The following PTPRC variants were observed in gnomAD, a reference collection of about 807,000 sequenced individuals.
PTPRC encodes protein tyrosine phosphatase receptor type C.
In PTPRC, 44 loss-of-function variants were observed where a neutral mutation model predicts 155.9. That is an observed-to-expected ratio of 0.28 (90% CI 0.22 to 0.36). The LOEUF (loss-of-function observed/expected upper bound fraction) is 0.36, where lower values mean the gene tolerates loss of function less well. Among genes scored for constraint, PTPRC ranks in the 10% least tolerant of loss-of-function variants. The pLI is 1.00. For synonymous variants in PTPRC, 525 were observed against 533.1 expected, an observed-to-expected ratio of 0.98 and a Z score of 0.21; for missense variants, 1,401 against 1,564.6, an observed-to-expected ratio of 0.90 and a Z score of 1.76.
chr1:198,734,493 G>C, intron 22 of PTPRC, 68 bp downstream of exon 22: 2 of 1,322,040 alleles, frequency 1.5e-6, no homozygotes, highest in Non-Finnish European at 2.2e-6. Flanking sequence ...ATGGCATTTT[G>C]AAAAGCCACA....
At position 198,742,373 on chromosome 1, in the gene PTPRC, T is replaced by A. The variant is rs938718659; in HGVS notation, c.2697+6T>A. The A allele has an allele frequency of 4.3e-6, 7 of 1,611,672 alleles. No individual in the cohort carries two copies. The highest frequency in any genetic ancestry group is 5.9e-6 in the Non-Finnish European group (7 of 1,178,388). ...GCCTGATGGTTCAAGTAGAGGTATGTTCTAACCTTTAGTGATTATTCTCAC... is the reference window on the plus strand; with the variant it reads ...GCCTGATGGTTCAAGTAGAGGTATGATCTAACCTTTAGTGATTATTCTCAC... On this transcript the variant is annotated splice_donor_region_variant and intron_variant, in intron 25 of 32. Transcript: ENST00000442510.
intron 2 of PTPRC, among the ~76,000 whole-genome samples, chr1:198,649,763 G>A (rs375017854): frequency 6.6e-6 from 1 of 151,910 alleles, no homozygotes; most frequent in African/African-American, 2.4e-5. Flanking sequence ...ACTGTTTTAA[G>A]TGTTGACACA....
At chr1:198,727,922 A>C (rs1326162233) in intron 15 of PTPRC, among the ~76,000 whole-genome samples, 1 of 152,170 alleles carries the variant, frequency 6.6e-6, no homozygotes, top group Non-Finnish European at 1.5e-5. Flanking sequence ...AGTCTTTCTC[A>C]TCCCCTTAAG....
At chr1:198,667,797 A>C (rs1369913350) in intron 2 of PTPRC, among the ~76,000 whole-genome samples, 2 of 152,252 alleles carry the variant, frequency 1.3e-5, no homozygotes, top group Non-Finnish European at 2.9e-5. Flanking sequence ...GGAGTGTTTA[A>C]GGAAATTTCC....
intron 2 of PTPRC, among the ~76,000 whole-genome samples, chr1:198,646,161 G>A (rs1045332053): frequency 4.0e-5 from 6 of 151,690 alleles, no homozygotes; most frequent in African/African-American, 7.3e-5. Context: ...ATTCCCTGAT[G>A]ATTATATATA....
intron 2 of PTPRC, among the ~76,000 whole-genome samples, chr1:198,659,329 T>A (rs1317532666): frequency 6.6e-6 from 1 of 152,154 alleles, no homozygotes; most frequent in Non-Finnish European, 1.5e-5. Flanking sequence ...ATTTCACAAA[T>A]GTTAGTATTG....
intron 2 of PTPRC, among the ~76,000 whole-genome samples, chr1:198,691,080 T>G (rs1282066021): frequency 2.0e-5 from 3 of 152,108 alleles, no homozygotes; most frequent in African/African-American, 7.2e-5. Flanking sequence ...TTTGATTACC[T>G]ATGCTGGCTC....
intron 2 of PTPRC, among the ~76,000 whole-genome samples, chr1:198,648,919 T>A (rs1021214189): frequency 6.6e-6 from 1 of 151,824 alleles, no homozygotes; most frequent in African/African-American, 2.4e-5. Context: ...TATCTAGATT[T>A]TTTTTTGTTT....
chr1:198,678,660 C>G (rs977294786), intron 2 of PTPRC, among the ~76,000 whole-genome samples: 2 of 152,156 alleles, frequency 1.3e-5, no homozygotes, highest in African/African-American at 4.8e-5. Flanking sequence ...CTCTGGTTGT[C>G]TAGGTGAGCG....
chr1:198,755,092 T>C (rs139136036), intron 32 of PTPRC, among the ~76,000 whole-genome samples: 1,963 of 152,036 alleles, frequency 0.013, 24 homozygotes, highest in Non-Finnish European at 0.016. Context: ...TGTCTTCTTC[T>C]GTATGTTATT....
intron 23 of PTPRC, among the ~76,000 whole-genome samples, chr1:198,741,515 C>G (rs576466264): frequency 1.3e-5 from 2 of 151,888 alleles, no homozygotes; most frequent in African/African-American, 4.8e-5. Context: ...ATGCACCCCA[C>G]TTTTATGGTG....
At position 198,744,081 on chromosome 1, in the gene PTPRC, T is replaced by C; in HGVS notation, c.2725T>C (p.Leu909=). ...CCAGTACATCTTGATCCATCAGGCTTTGGTGGAATACAATCAGTTTGGAGA... is the reference window on the plus strand; with the variant it reads ...CCAGTACATCTTGATCCATCAGGCTCTGGTGGAATACAATCAGTTTGGAGA... ...EAQYILIHQA[L]VEYNQFGETE... Residue 909 remains leucine, a synonymous_variant, in exon 26 of 33, where the codon TTG becomes CTG. Coordinates refer to ENST00000442510, the MANE Select transcript of PTPRC (RefSeq NM_002838.5). The C allele has an allele frequency of 6.2e-7, 1 of 1,605,156 alleles. No individual in the cohort carries two copies.
At chr1:198,690,048 A>C (rs555467250) in intron 2 of PTPRC, among the ~76,000 whole-genome samples, 14 of 152,280 alleles carry the variant, frequency 9.2e-5, no homozygotes, top group Non-Finnish European at 1.5e-4. Flanking sequence ...CCAAGGAATG[A>C]GGTGCTTGCA....
At chr1:198,646,589 A>G (rs1055084699) in intron 2 of PTPRC, among the ~76,000 whole-genome samples, 7 of 151,822 alleles carry the variant, frequency 4.6e-5, no homozygotes, top group African/African-American at 1.7e-4. Context: ...TTGTGTTGAA[A>G]TTTCTATCAG....
intron 2 of PTPRC, among the ~76,000 whole-genome samples, chr1:198,666,804 T>G (rs1455228957): frequency 6.6e-6 from 1 of 152,222 alleles, no homozygotes; most frequent in Non-Finnish European, 1.5e-5. Context: ...TAATCTTGCT[T>G]GAATGAGGAT....
At chr1:198,703,600 G>A (rs1666568995) in intron 7 of PTPRC, 1 of 681,490 alleles carries the variant, frequency 1.5e-6, no homozygotes, top group South Asian at 1.9e-5. Context: ...GAAAGCATGT[G>A]TGAGAAACAA....
chr1:198,693,563 C>T (rs971646345), intron 3 of PTPRC, among the ~76,000 whole-genome samples: 1 of 152,128 alleles, frequency 6.6e-6, no homozygotes, highest in Non-Finnish European at 1.5e-5. Context: ...TCTGAATTGA[C>T]TCTATTATGA....
At chr1:198,754,525 C>G (rs959960011) in intron 32 of PTPRC, 121 bp downstream of exon 32, 18 of 1,173,276 alleles carry the variant, frequency 1.5e-5, no homozygotes, top group Non-Finnish European at 2.1e-5. Flanking sequence ...CTTTCCTTTT[C>G]TCTTCTCTAT....
intron 2 of PTPRC, among the ~76,000 whole-genome samples, chr1:198,680,499 G>A (rs890942163): frequency 6.6e-6 from 1 of 151,830 alleles, no homozygotes; most frequent in Admixed American, 6.6e-5. Flanking sequence ...AACTGAAGAG[G>A]AATGATGTAA....
Sources: gnomAD v4.1 joint callset for allele counts (sites outside exome capture counted in the v4.1 genomes callset) on GRCh38, gnomAD v4.1.1 for gene constraint, MANE v1.5 for transcripts, NCBI Gene and HGNC (gene_info 2026-07-23, HGNC 2026-07-21) for gene names.